CAMSAP1: variants seen among roughly 807,000 people sequenced by gnomAD.
CAMSAP1 encodes calmodulin-regulated spectrin-associated protein 1.
A neutral mutation model predicts 143.5 loss-of-function variants in CAMSAP1; 58 were observed. The ratio of observed to expected loss-of-function variants is 0.40; its 90% CI spans 0.33 to 0.50. The LOEUF is 0.50. Ranked by LOEUF, CAMSAP1 falls within the 20% of genes least tolerant of loss-of-function variation. CAMSAP1 has a pLI of 0.45. For synonymous variants in CAMSAP1, 945 were observed against 859.3 expected, an observed-to-expected ratio of 1.10 and a Z score of -1.74; for missense variants, 1,969 against 2,115.7, an observed-to-expected ratio of 0.93 and a Z score of 1.36.
intron 7 of CAMSAP1, chr9:135,836,491 G>A (rs1169103578): frequency 9.2e-6 from 9 of 979,052 alleles, no homozygotes; most frequent in Non-Finnish European, 1.1e-5. Flanking sequence ...CTGTTCTACA[G>A]ACACACATCA....
At chr9:135,852,823 G>A (rs189157486) in intron 5 of CAMSAP1, among the ~76,000 whole-genome samples, 7 of 152,220 alleles carry the variant, frequency 4.6e-5, no homozygotes, top group African/African-American at 1.7e-4. Context: ...AATAAATAAT[G>A]AAAGTAATGA....
chr9:135,836,227 C>A (rs973592211), intron 7 of CAMSAP1: 21 of 985,146 alleles, frequency 2.1e-5, no homozygotes, highest in Non-Finnish European at 2.5e-5. Flanking sequence ...GTACCTTCTA[C>A]CCTGTTCTAC....
chr9:135,821,853 T>G lies in CAMSAP1; in HGVS notation c.2808A>C (p.Ala936=), dbSNP rs1261804554. 5 of 1,614,040 alleles carry G rather than the reference T, an allele frequency of 3.1e-6. No individual in the cohort carries two copies. The highest frequency in any genetic ancestry group is 4.2e-6 in the Non-Finnish European group (5 of 1,179,884). ...CCCCGTTGTGCTGAGAGTACTCCTT[T>G]GCAAAGTGCTCCGGCCTGAGGGGTG... ...AAPPLRPEHF[A]KEYSQHNGED... Residue 936 remains alanine (A), a synonymous_variant, in exon 11 of 17, where the codon GCA becomes GCC. Transcript: ENST00000389532. The surrounding 1 kb of genome is among the most constrained non-coding windows in gnomAD (Gnocchi z 4.6).
In CAMSAP1 at chr9:135,827,427, G is replaced by A. The variant is rs1170742533; in HGVS notation, c.1203C>T (p.His401=). The change falls in exon 8 of 17, where the codon CAC becomes CAT. Residue 401 remains histidine (H), a synonymous_variant. Transcript: ENST00000389532. ...CTTACAGGTATTCAGGTTCTTCCGGGTGCAGGTAGTGCCTGTGACAGCCTT... is the reference window on the plus strand; with the variant it reads ...CTTACAGGTATTCAGGTTCTTCCGGATGCAGGTAGTGCCTGTGACAGCCTT... The part of the protein sequence containing the change: ...PAEGCHRHYL[H]PEEPEYLGKG... 6.3e-7 allele frequency: 1 copy of A among 1,579,638 alleles called. No individual in the cohort carries two copies. Among genetic ancestry groups the A allele is most frequent in the Non-Finnish European group, 8.7e-7 (1 of 1,155,572 alleles).
intron 4 of CAMSAP1, chr9:135,865,429 C>T (rs1194391872): frequency 1.4e-6 from 2 of 1,477,126 alleles, no homozygotes; most frequent in Admixed American, 2.0e-5. Flanking sequence ...CACGTGTGGA[C>T]GAGGTAACAC....
intron 5 of CAMSAP1, among the ~76,000 whole-genome samples, chr9:135,857,667 G>T (rs539310660): frequency 1.4e-4 from 22 of 152,334 alleles, no homozygotes; most frequent in Non-Finnish European, 3.1e-4. Flanking sequence ...ATCTTTGGCT[G>T]CTGCTCCTAG....
chr9:135,852,538 C>T (rs1199050027), intron 5 of CAMSAP1, among the ~76,000 whole-genome samples: 1 of 152,130 alleles, frequency 6.6e-6, no homozygotes, highest in African/African-American at 2.4e-5. Context: ...ACGGCACTTT[C>T]CCATAGAGAT....
At chr9:135,816,075 GC>G in intron 14 of CAMSAP1, 70 bp from the exon 15 acceptor site, 1 of 1,421,640 alleles carries the variant, frequency 7.0e-7, no homozygotes, top group East Asian at 2.3e-5. Context: ...CTGGCAAGGG[GC>G]TGGCCCGCAA....
intron 5 of CAMSAP1, among the ~76,000 whole-genome samples, chr9:135,860,597 CAAAAAAAAAAA>C (rs35415924): frequency 4.8e-5 from 3 of 62,052 alleles, no homozygotes; most frequent in Non-Finnish European, 9.2e-5. Context: ...GACTCTGCCT[CAAAAAAAAAAA>C]AAAAAAAAAA....
chr9:135,899,262 G>GT (rs1208771731), intron 1 of CAMSAP1, among the ~76,000 whole-genome samples: 1 of 151,974 alleles, frequency 6.6e-6, no homozygotes, highest in Non-Finnish European at 1.5e-5. Context: ...TTTACCAGAT[G>GT]TAAATCACAC....
chr9:135,811,222 A>G lies in CAMSAP1; in HGVS notation c.*87T>C, dbSNP rs1450439216. 2 of 1,401,322 alleles carry G rather than the reference A, an allele frequency of 1.4e-6. No individual in the cohort carries two copies. The highest frequency in any genetic ancestry group is 2.9e-5 in the African/African-American group (2 of 69,050). 86.8% of individuals were successfully genotyped at this position (1,401,322 alleles called of 1,614,324 possible). ...ACCCAAATAGATGAAAACAATAAAT[A>G]AGGACCCCGTGGCACCCTCTGGATG... On this transcript the variant is annotated 3_prime_UTR_variant, in exon 17 of 17. Transcript: ENST00000389532. This position sits in a 1 kb window ranked among gnomAD's most constrained non-coding sequence, Gnocchi z 4.9.
intron 5 of CAMSAP1, among the ~76,000 whole-genome samples, chr9:135,858,974 A>G (rs1837077514): frequency 6.6e-6 from 1 of 152,200 alleles, no homozygotes; most frequent in Non-Finnish European, 1.5e-5. Flanking sequence ...CCACTGACTC[A>G]CACCCATCTC....
At chr9:135,905,670 G>A (rs1296776648) in intron 1 of CAMSAP1, among the ~76,000 whole-genome samples, 4 of 152,208 alleles carry the variant, frequency 2.6e-5, no homozygotes, top group Admixed American at 2.0e-4. Flanking sequence ...GCCAGTCTCA[G>A]AAAGAGACAT....
chr9:135,821,469 C>T lies in CAMSAP1; in HGVS notation c.3192G>A (p.Ser1064=), dbSNP rs768272247. The part of the protein sequence containing the change: ...TVPVPGSKNN[S]QDHKVKAPVH... ...CTGGTGCCTTCACTTTGTGGTCCTG[C>T]GAGTTATTCTTAGAGCCTGGCACTG... The change falls in exon 11 of 17, where the codon TCG becomes TCA. Residue 1064 remains serine (S), a synonymous_variant. Transcript: ENST00000389532. The surrounding 1 kb of genome is among the most constrained non-coding windows in gnomAD (Gnocchi z 4.6). The T allele has an allele frequency of 3.7e-6, 6 of 1,613,912 alleles. No homozygotes were observed. Among genetic ancestry groups the T allele is most frequent in the Middle Eastern group, 1.6e-4 (1 of 6,084 alleles).
chr9:135,866,790 T>C (rs1837394618), intron 3 of CAMSAP1, among the ~76,000 whole-genome samples: 1 of 152,038 alleles, frequency 6.6e-6, no homozygotes, highest in Non-Finnish European at 1.5e-5. Context: ...CCCCCGTCAC[T>C]GCGGGGCAGA....
chr9:135,811,194 C>T lies in CAMSAP1; in HGVS notation c.*115G>A, dbSNP rs562749047. On this transcript the variant is annotated 3_prime_UTR_variant, in exon 17 of 17. Coordinates refer to ENST00000389532, the MANE Select transcript of CAMSAP1 (RefSeq NM_015447.4). This position sits in a 1 kb window ranked among gnomAD's most constrained non-coding sequence, Gnocchi z 4.9. ...AAAAGGTCTGTGACTTTGCACACTT[C>T]GTACCCAAATAGATGAAAACAATAA... The T allele has an allele frequency of 1.0e-3, 1,256 of 1,237,416 alleles. 1 individual carries two copies. The highest frequency in any genetic ancestry group is 4.2e-3 in the Middle Eastern group (15 of 3,598). The allele number at this position is 1,237,416 out of a possible 1,614,324, so 76.7% of individuals were successfully genotyped here.
intron 5 of CAMSAP1, among the ~76,000 whole-genome samples, chr9:135,855,858 C>T (rs945055443): frequency 2.0e-5 from 3 of 152,030 alleles, no homozygotes; most frequent in Non-Finnish European, 4.4e-5. Context: ...CAAGACCATC[C>T]TGGCTAACAC....
chr9:135,841,441 T>TCACC (rs1357264286), intron 7 of CAMSAP1, among the ~76,000 whole-genome samples: 1 of 152,200 alleles, frequency 6.6e-6, no homozygotes, highest in Non-Finnish European at 1.5e-5. Flanking sequence ...GACTTAAACA[T>TCACC]CACCGCCTGC....
At position 135,874,273 on chromosome 9, in the gene CAMSAP1, G is replaced by T. The variant is rs182768947; in HGVS notation, c.585+7360C>A. 6.6e-4 allele frequency among the ~76,000 whole-genome samples: 100 copies of T among 152,288 alleles called. 2 individuals are homozygous for T. In the East Asian group the frequency reaches 0.017, roughly 26 times the overall value. On this transcript the variant is annotated intron_variant, in intron 3 of 16. Transcript: ENST00000389532. ...GGATCCTTTGAGCTCAGGAGTTCAA[G>T]ATCAGCCTGGGCAACGTGGCAAAAT...
Sources: gnomAD v4.1 joint callset for allele counts (sites outside exome capture counted in the v4.1 genomes callset) on GRCh38, gnomAD v4.1.1 for gene constraint, Gnocchi (gnomAD v3.1) non-coding constraint, MANE v1.5 for transcripts, NCBI Gene and HGNC (gene_info 2026-07-23, HGNC 2026-07-21) for gene names.